MDGA2: variants seen among roughly 807,000 people sequenced by gnomAD.
The protein encoded by MDGA2 is MAM domain containing glycosylphosphatidylinositol anchor 2.
A neutral mutation model predicts 117.8 loss-of-function variants in MDGA2; 40 were observed. That is an observed-to-expected ratio of 0.34 (90% CI 0.26 to 0.44). MDGA2 has a LOEUF of 0.44. MDGA2 is among the 20% of genes least tolerant of loss of function. The pLI, the probability that MDGA2 is intolerant of heterozygous loss-of-function variation, is 1.00. For synonymous variants in MDGA2, 452 were observed against 439.0 expected (o/e 1.03, Z -0.37); for missense variants, 1,123 against 1,250.6 (o/e 0.90, Z 1.54).
At chr14:47,269,174 C>T (rs958796844) in intron 2 of MDGA2, among the ~76,000 whole-genome samples, 1 of 151,884 alleles carries the variant, frequency 6.6e-6, no homozygotes, top group South Asian at 2.1e-4. Context: ...TAGTACTATA[C>T]GTAGTAGGAC....
At chr14:47,162,131 G>A (rs1487126617) in intron 3 of MDGA2, among the ~76,000 whole-genome samples, 1 of 151,458 alleles carries the variant, frequency 6.6e-6, no homozygotes, top group Non-Finnish European at 1.5e-5. Context: ...ATTTTTAGTA[G>A]AAGCAGGATT....
intron 9 of MDGA2, among the ~76,000 whole-genome samples, 184 bp from the exon 10 acceptor site, chr14:46,920,344 G>A (rs1192816224): frequency 1.3e-5 from 2 of 152,196 alleles, no homozygotes; most frequent in Non-Finnish European, 2.9e-5. Context: ...TGGGCAGTGT[G>A]AGAAAAGAAG....
chr14:46,968,989 AG>A (rs1207817915), intron 8 of MDGA2, among the ~76,000 whole-genome samples: 4 of 152,188 alleles, frequency 2.6e-5, no homozygotes, highest in African/African-American at 9.6e-5. Context: ...TGCAATAGCT[AG>A]AAAAAATATA....
intron 8 of MDGA2, among the ~76,000 whole-genome samples, chr14:47,022,981 C>T (rs1888339802): frequency 1.3e-5 from 2 of 151,980 alleles, no homozygotes; most frequent in African/African-American, 4.8e-5. Flanking sequence ...CCAAACCAAT[C>T]GCGTCTCTGT....
chr14:47,245,831 C>T (rs1474771630), intron 2 of MDGA2, among the ~76,000 whole-genome samples: 2 of 151,774 alleles, frequency 1.3e-5, no homozygotes, highest in African/African-American at 4.8e-5. Flanking sequence ...CAACCATTTG[C>T]TTAAGAAAAT....
At chr14:47,333,152 A>G (rs1312739119) in intron 1 of MDGA2, among the ~76,000 whole-genome samples, 2 of 151,942 alleles carry the variant, frequency 1.3e-5, no homozygotes, top group African/African-American at 4.8e-5. Flanking sequence ...CTTTGCATAT[A>G]TAACCACTAG....
intron 1 of MDGA2, among the ~76,000 whole-genome samples, chr14:47,526,438 T>C (rs1329603398): frequency 6.6e-6 from 1 of 152,188 alleles, no homozygotes; most frequent in Middle Eastern, 3.2e-3. Context: ...CAGTTTGCTC[T>C]TATTCTTGGA....
rs112716476 is a variant in MDGA2, at chr14:47,517,124, T to G, written c.280+157393A>C. 9.7e-4 allele frequency among the ~76,000 whole-genome samples: 147 copies of G among 152,320 alleles called. 2 individuals are homozygous for G. The highest frequency in any genetic ancestry group is 3.4e-3 in the African/African-American group (141 of 41,576). On this transcript the variant is annotated intron_variant, in intron 1 of 16. Coordinates refer to ENST00000399232, the MANE Select transcript of MDGA2 (RefSeq NM_001113498.3). ...ATGATTATTTATCCTCCTTTTAGAC[T>G]GAAAATACCAGTCAGATAAAATGAA...
intron 2 of MDGA2, among the ~76,000 whole-genome samples, chr14:47,261,172 T>C (rs1195331874): frequency 6.6e-6 from 1 of 152,162 alleles, no homozygotes; most frequent in Non-Finnish European, 1.5e-5. Context: ...TATTTATAAC[T>C]AGCAGCACAT....
At chr14:47,058,460 T>A in intron 7 of MDGA2, 3 of 908,040 alleles carry the variant, frequency 3.3e-6, no homozygotes, top group Non-Finnish European at 3.9e-6. Context: ...GACTCACTCA[T>A]CCCATTTGTG....
intron 1 of MDGA2, among the ~76,000 whole-genome samples, chr14:47,389,147 A>C (rs570227893): frequency 6.9e-4 from 105 of 152,062 alleles, no homozygotes; most frequent in African/African-American, 2.2e-3. Flanking sequence ...ACTTTTCAAA[A>C]AATTTTCAAA....
chr14:47,099,136 C>G (rs1880154137), intron 5 of MDGA2, among the ~76,000 whole-genome samples: 1 of 151,672 alleles, frequency 6.6e-6, no homozygotes, highest in Non-Finnish European at 1.5e-5. Context: ...CCCAGATAGA[C>G]CACAAAACAG....
chr14:47,663,538 C>T (rs183950422), intron 1 of MDGA2, among the ~76,000 whole-genome samples: 10 of 152,270 alleles, frequency 6.6e-5, no homozygotes, highest in African/African-American at 2.4e-4. Context: ...CCAAAGAAAA[C>T]GATTGCATTA....
At chr14:47,529,741 G>A (rs577667708) in intron 1 of MDGA2, among the ~76,000 whole-genome samples, 208 of 152,296 alleles carry the variant, frequency 1.4e-3, no homozygotes, top group African/African-American at 4.6e-3. Context: ...AGAAGCAGTT[G>A]TTTTGATGGG....
chr14:46,877,516 G>A lies in MDGA2; in HGVS notation c.2417-7C>T. The A allele has an allele frequency of 6.6e-7, 1 of 1,517,924 alleles. No homozygotes were observed. Among genetic ancestry groups the A allele is most frequent in the South Asian group, 1.2e-5 (1 of 82,340 alleles). 94.0% of individuals were successfully genotyped at this position (1,517,924 alleles called of 1,614,324 possible). ...AAATGAGGATTTACAGGAGCTACAA[G>A]AAAAGCAAAAGAAACAAACAAACAA... On this transcript the variant is annotated splice_region_variant and splice_polypyrimidine_tract_variant and intron_variant, in intron 11 of 16. Transcript: ENST00000399232.
At chr14:47,651,352 A>AC (rs1897640811) in intron 1 of MDGA2, among the ~76,000 whole-genome samples, 2 of 152,116 alleles carry the variant, frequency 1.3e-5, no homozygotes, top group African/African-American at 4.8e-5. Flanking sequence ...AAGCACACAC[A>AC]AAGACTCTGA....
At chr14:46,848,785 GCTAC>G (rs2138280728) in intron 15 of MDGA2, among the ~76,000 whole-genome samples, 1 of 152,044 alleles carries the variant, frequency 6.6e-6, no homozygotes, top group South Asian at 2.1e-4. Context: ...TAATATGTGT[GCTAC>G]CTACCTACTG....
chr14:47,143,895 T>C (rs774675289), intron 4 of MDGA2, among the ~76,000 whole-genome samples, 183 bp downstream of exon 4: 25 of 152,212 alleles, frequency 1.6e-4, no homozygotes, highest in Non-Finnish European at 2.6e-4. Flanking sequence ...TAAATTTAAC[T>C]AACCACATAA....
chr14:46,958,229 A>G (rs571415917), intron 8 of MDGA2, among the ~76,000 whole-genome samples: 71 of 152,318 alleles, frequency 4.7e-4, no homozygotes, highest in African/African-American at 1.7e-3. Context: ...TGGTCAGGTG[A>G]GTAAGCAGTA....
Sources: gnomAD v4.1 joint callset for allele counts (sites outside exome capture counted in the v4.1 genomes callset) on GRCh38, gnomAD v4.1.1 for gene constraint, MANE v1.5 for transcripts, NCBI Gene and HGNC (gene_info 2026-07-23, HGNC 2026-07-21) for gene names.